Variants in TSPAN7 observed in about 807,000 individuals in gnomAD.
The protein encoded by TSPAN7 is tetraspanin 7.
A neutral mutation model predicts 17.6 loss-of-function variants in TSPAN7; 1 was observed. The observed-to-expected ratio is 0.06, with a 90% CI of 0.02 to 0.27. The LOEUF is 0.27. Among genes scored for constraint, TSPAN7 ranks in the 10% least tolerant of loss-of-function variants. The pLI, the probability that TSPAN7 is intolerant of heterozygous loss-of-function variation, is 1.00. For synonymous variants in TSPAN7, 78 were observed against 79.0 expected (o/e 0.99, Z 0.07); for missense variants, 112 against 201.7 (o/e 0.56, Z 2.69).
intron 2 of TSPAN7, among the ~76,000 whole-genome samples, chrX:38,669,927 T>A (rs1325100566): frequency 8.9e-6 from 1 of 111,997 alleles, no homozygotes. Flanking sequence ...TGGGAGAGTC[T>A]CACATCAAAC....
rs1173827469 is a variant in TSPAN7, at chrX:38,673,364, C to CTT, written c.346-837_346-836dup. ...GTGGTAACAGAAAAGGTTTTGTTAA[C>CTT]TTTTTTTTTTTTTTTTTTTTTGAGA... On this transcript the variant is annotated intron_variant, in intron 3 of 7. Transcript: ENST00000378482. Among the ~76,000 whole-genome samples, 213 of 85,922 alleles carry CTT rather than the reference C, an allele frequency of 2.5e-3. 3 individuals are homozygous for CTT. The highest frequency in any genetic ancestry group is 5.7e-3 in the Middle Eastern group (1 of 174). 74.6% of individuals were successfully genotyped at this position (85,922 alleles called of 115,157 possible).
At chrX:38,624,514 A>T (rs1028314074) in intron 1 of TSPAN7, among the ~76,000 whole-genome samples, 1 of 112,467 alleles carries the variant, frequency 8.9e-6, no homozygotes, top group Non-Finnish European at 1.9e-5. Context: ...AAGTAAGGTT[A>T]GTAGTGCTCA....
At chrX:38,612,969 A>ATAC (rs1380181789) in intron 1 of TSPAN7, among the ~76,000 whole-genome samples, 1 of 111,962 alleles carries the variant, frequency 8.9e-6, no homozygotes, top group African/African-American at 3.2e-5. Flanking sequence ...ATTCTATGAC[A>ATAC]TACTATGTGC....
intron 1 of TSPAN7, among the ~76,000 whole-genome samples, chrX:38,564,214 C>A (rs2069130072): frequency 9.0e-6 from 1 of 110,668 alleles, no homozygotes; most frequent in African/African-American, 3.3e-5. Context: ...ATATTGCAGG[C>A]ATTTCATATA....
At chrX:38,583,395 C>T (rs908114877) in intron 1 of TSPAN7, among the ~76,000 whole-genome samples, 5 of 111,941 alleles carry the variant, frequency 4.5e-5, no homozygotes, top group African/African-American at 9.7e-5. Context: ...CATGTTGTAT[C>T]GTAATCATTT....
Position 38,666,018 on chromosome X carries a change from G to A in TSPAN7, c.82-103G>A, listed in dbSNP as rs1427894541. 5.2e-6 allele frequency: 4 copies of A among 762,196 alleles called. No individual in the cohort carries two copies. The South Asian group carries it at 6.7e-5, about 13-fold the overall frequency. The allele number at this position is 762,196 out of a possible 1,213,427, so 62.8% of individuals were successfully genotyped here. Reference sequence around the variant, plus strand: ...CTCAGGGAATCCTACAGCAAGTACCGTCTTATTCACGGAAACTTGAGTCTT... The same window carrying A: ...CTCAGGGAATCCTACAGCAAGTACCATCTTATTCACGGAAACTTGAGTCTT... On this transcript the variant is annotated intron_variant, in intron 1 of 7. Coordinates refer to ENST00000378482, the MANE Select transcript of TSPAN7 (RefSeq NM_004615.4).
rs920893639 is a variant in TSPAN7 at position 38,581,620 on chromosome X, T to C, written c.81+19993T>C. Among the ~76,000 whole-genome samples the C allele has an allele frequency of 3.7e-4, 41 of 111,938 alleles. 1 individual carries two copies. Among genetic ancestry groups the C allele is most frequent in the Admixed American group, 2.3e-3 (24 of 10,606 alleles). Reference sequence around the variant, plus strand: ...CCATATCAAATCTATAAATATTTCTTCTCCCCTTTAGTTTATGGCTGCTGT... The same window carrying C: ...CCATATCAAATCTATAAATATTTCTCCTCCCCTTTAGTTTATGGCTGCTGT... On this transcript the variant is annotated intron_variant, in intron 1 of 7. Transcript: ENST00000378482.
chrX:38,583,003 G>A (rs955484524), intron 1 of TSPAN7, among the ~76,000 whole-genome samples: 1 of 111,638 alleles, frequency 9.0e-6, no homozygotes, highest in Non-Finnish European at 1.9e-5. Context: ...GACCTTTACA[G>A]CAGTTTCCTG....
At chrX:38,669,968 G>T (rs1463087152) in intron 2 of TSPAN7, among the ~76,000 whole-genome samples, 1 of 112,140 alleles carries the variant, frequency 8.9e-6, no homozygotes, top group East Asian at 2.8e-4. Context: ...GTATGAAGTT[G>T]GGAAAGAAGT....
chrX:38,575,557 T>C (rs2069189783), intron 1 of TSPAN7, among the ~76,000 whole-genome samples: 1 of 111,630 alleles, frequency 9.0e-6, no homozygotes. Flanking sequence ...GGGATATCTA[T>C]ATGTGAGAAA....
At chrX:38,593,095 G>T (rs2069300820) in intron 1 of TSPAN7, among the ~76,000 whole-genome samples, 1 of 109,969 alleles carries the variant, frequency 9.1e-6, no homozygotes, top group Admixed American at 9.7e-5. Context: ...AGATTTTTTT[G>T]CTTATATTGT....
intron 1 of TSPAN7, among the ~76,000 whole-genome samples, chrX:38,646,088 T>C (rs2069644209): frequency 9.0e-6 from 1 of 111,467 alleles, no homozygotes; most frequent in African/African-American, 3.3e-5. Flanking sequence ...CCAGACTTAT[T>C]GGTCAAACAG....
chrX:38,563,176 G>T, intron 1 of TSPAN7: 1 of 923,766 alleles, frequency 1.1e-6, no homozygotes, highest in Non-Finnish European at 1.4e-6. Flanking sequence ...CAGGAGCTCT[G>T]CAATGAGCTA....
intron 1 of TSPAN7, among the ~76,000 whole-genome samples, chrX:38,589,379 T>C (rs913163623): frequency 1.8e-5 from 2 of 112,333 alleles, no homozygotes; most frequent in African/African-American, 6.5e-5. Context: ...CATATGTAGG[T>C]GTTTCCACTT....
At chrX:38,621,979 A>C (rs2069491048) in intron 1 of TSPAN7, among the ~76,000 whole-genome samples, 1 of 112,270 alleles carries the variant, frequency 8.9e-6, no homozygotes, top group African/African-American at 3.2e-5. Flanking sequence ...ACAATCTACC[A>C]TTTGGCGTTT....
At chrX:38,658,373 T>C (rs2069717832) in intron 1 of TSPAN7, among the ~76,000 whole-genome samples, 1 of 107,526 alleles carries the variant, frequency 9.3e-6, no homozygotes, top group Admixed American at 1.0e-4. Context: ...AGAGATGGGG[T>C]CTCACTATGT....
chrX:38,659,817 CTTTTTCTTT>C (rs1302949522), intron 1 of TSPAN7, among the ~76,000 whole-genome samples: 18 of 82,694 alleles, frequency 2.2e-4, no homozygotes, highest in African/African-American at 8.3e-4. Context: ...TTTTCTTTTT[CTTTTTCTTT>C]TTTTTTTTTT....
At chrX:38,582,955 CCTT>C (rs2069235133) in intron 1 of TSPAN7, among the ~76,000 whole-genome samples, 1 of 111,759 alleles carries the variant, frequency 8.9e-6, no homozygotes, top group African/African-American at 3.3e-5. Flanking sequence ...GCATCCCTTT[CCTT>C]CTTTTCATCT....
chrX:38,678,271 A>C (rs1394696104), intron 5 of TSPAN7, among the ~76,000 whole-genome samples: 5 of 112,094 alleles, frequency 4.5e-5, no homozygotes, highest in African/African-American at 1.6e-4. Flanking sequence ...TTTGCTTGGC[A>C]GTTACAGAGA....
Sources: allele counts gnomAD v4.1 joint callset (sites outside exome capture counted in the v4.1 genomes callset), GRCh38; gene constraint gnomAD v4.1.1; transcripts MANE v1.5; gene names NCBI Gene and HGNC (gene_info 2026-07-23, HGNC 2026-07-21).